KIRREL3: variants seen among roughly 807,000 people sequenced by gnomAD.
KIRREL3 encodes kin of IRRE-like protein 3.
KIRREL3 carries 36 observed loss-of-function variants against 89.7 expected under a neutral mutation model. That is an observed-to-expected ratio of 0.40 (90% CI 0.31 to 0.53). The LOEUF (loss-of-function observed/expected upper bound fraction) is 0.53, where lower values mean the gene tolerates loss of function less well. Ranked by LOEUF, KIRREL3 falls within the 20% of genes least tolerant of loss-of-function variation. KIRREL3 has a pLI of 0.49. For missense variants in KIRREL3, 864 were observed against 1,056.6 expected, an observed-to-expected ratio of 0.82 and a Z score of 2.53; for synonymous variants, 445 against 441.4, an observed-to-expected ratio of 1.01 and a Z score of -0.10.
Position 126,490,600 on chromosome 11 carries a change from C to A in KIRREL3, c.434-17134G>T, listed in dbSNP as rs1031665376. 6.6e-6 allele frequency among the ~76,000 whole-genome samples: 1 copy of A among 152,064 alleles called. No homozygotes were observed. The highest frequency in any genetic ancestry group is 2.4e-5 in the African/African-American group (1 of 41,380). ...GTTCCAGGCTGCATGGCCTTGGATACGTTAATTAGTTATTTGAGCCTGTGT... is the reference window on the plus strand; with the variant it reads ...GTTCCAGGCTGCATGGCCTTGGATAAGTTAATTAGTTATTTGAGCCTGTGT... On this transcript the variant is annotated intron_variant, in intron 4 of 16. Coordinates refer to ENST00000525144, the MANE Select transcript of KIRREL3 (RefSeq NM_032531.4). The surrounding 1 kb of genome is among the most constrained non-coding windows in gnomAD (Gnocchi z 4.2).
chr11:126,865,462 C>T (rs368919770), intron 1 of KIRREL3, among the ~76,000 whole-genome samples: 16 of 152,312 alleles, frequency 1.1e-4, no homozygotes, highest in Middle Eastern at 3.4e-3. Context: ...TCAGCAGACT[C>T]GGGTTATCGA....
chr11:126,806,944 G>A (rs953498362), intron 1 of KIRREL3, among the ~76,000 whole-genome samples: 3 of 151,970 alleles, frequency 2.0e-5, no homozygotes. Context: ...TTGGCTTTCT[G>A]TTCCTGTGTT....
At chr11:126,749,515 G>A (rs945058247) in intron 1 of KIRREL3, among the ~76,000 whole-genome samples, 2 of 152,022 alleles carry the variant, frequency 1.3e-5, no homozygotes, top group Admixed American at 6.6e-5. Flanking sequence ...GGGGAGAGGA[G>A]GTTAACAGAT....
chr11:126,756,186 A>G (rs1949494124), intron 1 of KIRREL3, among the ~76,000 whole-genome samples: 1 of 152,236 alleles, frequency 6.6e-6, no homozygotes, highest in Admixed American at 6.5e-5. Flanking sequence ...AAATGTTCGA[A>G]TTAACAATGA....
intron 1 of KIRREL3, among the ~76,000 whole-genome samples, chr11:126,982,715 G>A (rs1362333337): frequency 1.3e-5 from 2 of 152,172 alleles, no homozygotes; most frequent in African/African-American, 4.8e-5. Flanking sequence ...AAGCAGACAA[G>A]GAGGGAAAAA....
rs564190249 is a variant in KIRREL3 at position 126,757,601 on chromosome 11, G to T, written c.56-194689C>A. Among the ~76,000 whole-genome samples, 9 of 152,254 alleles carry T rather than the reference G, an allele frequency of 5.9e-5. No individual in the cohort carries two copies. The South Asian group carries it at 1.9e-3, about 32-fold the overall frequency. On this transcript the variant is annotated intron_variant, in intron 1 of 16. Transcript: ENST00000525144. The stretch of plus-strand genomic sequence containing the variant: ...CCAGCAGTTTTAGGGTCCCCTCAAA[G>T]TATAGGTCTTTTGAATCCTTGATCT...
rs531986377 is a variant in KIRREL3 at position 126,969,519 on chromosome 11, G to A, written c.55+30936C>T. On this transcript the variant is annotated intron_variant, in intron 1 of 16. Coordinates refer to ENST00000525144, the MANE Select transcript of KIRREL3 (RefSeq NM_032531.4). The surrounding 1 kb of genome is among the most constrained non-coding windows in gnomAD (Gnocchi z 4.9). Reference sequence around the variant, plus strand: ...GGGAGTAAGAACGTCTCCTGAGGGCGGAGGCTGTGGGTAGCAATGGAGCAT... The same window carrying A: ...GGGAGTAAGAACGTCTCCTGAGGGCAGAGGCTGTGGGTAGCAATGGAGCAT... Among the ~76,000 whole-genome samples the A allele has an allele frequency of 2.6e-4, 40 of 152,270 alleles. No homozygotes were observed. The highest frequency in any genetic ancestry group is 3.4e-3 in the Middle Eastern group (1 of 294).
At chr11:126,852,049 CT>C (rs10579989) in intron 1 of KIRREL3, among the ~76,000 whole-genome samples, 60 of 103,592 alleles carry the variant, frequency 5.8e-4, no homozygotes, top group African/African-American at 1.1e-3. Flanking sequence ...GGGCTATAAC[CT>C]TTTTTTTTTT....
At chr11:126,529,769 C>G (rs1244455371) in intron 2 of KIRREL3, among the ~76,000 whole-genome samples, 2 of 151,794 alleles carry the variant, frequency 1.3e-5, no homozygotes, top group Non-Finnish European at 2.9e-5. Flanking sequence ...AGACAGTACT[C>G]TAATTGACAA....
chr11:126,644,726 A>G (rs370129049), intron 1 of KIRREL3, among the ~76,000 whole-genome samples: 16 of 152,380 alleles, frequency 1.1e-4, no homozygotes, highest in African/African-American at 3.6e-4. Context: ...TGTGGAAAAC[A>G]ATATGCAGGA....
chr11:126,549,123 C>T (rs573845873), intron 2 of KIRREL3, among the ~76,000 whole-genome samples: 2 of 152,256 alleles, frequency 1.3e-5, no homozygotes, highest in African/African-American at 4.8e-5. Flanking sequence ...GGGACTATTC[C>T]ATTGCTCTAT....
chr11:126,594,736 A>G lies in KIRREL3; in HGVS notation c.56-31824T>C, dbSNP rs1942309767. On this transcript the variant is annotated intron_variant, in intron 1 of 16. Transcript: ENST00000525144. This position sits in a 1 kb window ranked among gnomAD's most constrained non-coding sequence, Gnocchi z 5.0. The stretch of plus-strand genomic sequence containing the variant: ...CTCCTCTGTCCAGCCGCAGGTCCTC[A>G]TAGAAAGGCAGAGACACTGAATAGA... 6.6e-6 allele frequency among the ~76,000 whole-genome samples: 1 copy of G among 152,180 alleles called. No individual in the cohort carries two copies. The highest frequency in any genetic ancestry group is 2.4e-5 in the African/African-American group (1 of 41,452).
rs543982058 is a variant in KIRREL3, at chr11:126,764,018, T to C, written c.56-201106A>G. Among the ~76,000 whole-genome samples, 3 of 152,262 alleles carry C rather than the reference T, an allele frequency of 2.0e-5. No homozygotes were observed. Among genetic ancestry groups the C allele is most frequent in the South Asian group, 4.2e-4 (2 of 4,814 alleles). ...TAGTTCTCCCATCATTCCTTCTTTG[T>C]AGAGGGCAAGGAAAGGTGGGTTATA... On this transcript the variant is annotated intron_variant, in intron 1 of 16. Coordinates refer to ENST00000525144, the MANE Select transcript of KIRREL3 (RefSeq NM_032531.4). This position sits in a 1 kb window ranked among gnomAD's most constrained non-coding sequence, Gnocchi z 4.2.
intron 1 of KIRREL3, among the ~76,000 whole-genome samples, chr11:126,584,289 C>T (rs1437119532): frequency 6.6e-6 from 1 of 152,206 alleles, no homozygotes; most frequent in Non-Finnish European, 1.5e-5. Context: ...GCGTTCCCAT[C>T]TCTTTGCTGC....
chr11:126,612,095 C>A lies in KIRREL3; in HGVS notation c.56-49183G>T, dbSNP rs1038735305. Among the ~76,000 whole-genome samples the A allele has an allele frequency of 6.6e-5, 10 of 152,206 alleles. No individual in the cohort carries two copies. The highest frequency in any genetic ancestry group is 2.2e-4 in the African/African-American group (9 of 41,452). ...ACGCAGTTGGGTGTGTATTTGGTAACCTGTCTTCCTCCTGCTGAAATATCA... is the reference window on the plus strand; with the variant it reads ...ACGCAGTTGGGTGTGTATTTGGTAAACTGTCTTCCTCCTGCTGAAATATCA... On this transcript the variant is annotated intron_variant, in intron 1 of 16. Coordinates refer to ENST00000525144, the MANE Select transcript of KIRREL3 (RefSeq NM_032531.4). This position sits in a 1 kb window ranked among gnomAD's most constrained non-coding sequence, Gnocchi z 4.5.
rs1958409891 is a variant in KIRREL3, at chr11:126,516,372, C to T, written c.433+4943G>A. Among the ~76,000 whole-genome samples, 1 of 152,136 alleles carries T rather than the reference C, an allele frequency of 6.6e-6. No individual in the cohort carries two copies. Among genetic ancestry groups the T allele is most frequent in the Admixed American group, 6.5e-5 (1 of 15,268 alleles). ...ATCTGATGCCAACATCCCCTCCTCC[C>T]ACTTCTGATCCCCCCATCCTGCTCT... On this transcript the variant is annotated intron_variant, in intron 4 of 16. Transcript: ENST00000525144. The surrounding 1 kb of genome is among the most constrained non-coding windows in gnomAD (Gnocchi z 4.9).
Position 126,773,274 on chromosome 11 carries a change from G to A in KIRREL3, c.56-210362C>T, listed in dbSNP as rs1245740734. Among the ~76,000 whole-genome samples, 1 of 152,196 alleles carries A rather than the reference G, an allele frequency of 6.6e-6. No individual in the cohort carries two copies. Among genetic ancestry groups the A allele is most frequent in the Non-Finnish European group, 1.5e-5 (1 of 68,036 alleles). ...TAACACTCTTGAATCAGGGGACTGA[G>A]TGAAGTCAATACAGTGTGGGTCGGC... On this transcript the variant is annotated intron_variant, in intron 1 of 16. Coordinates refer to ENST00000525144, the MANE Select transcript of KIRREL3 (RefSeq NM_032531.4). This position sits in a 1 kb window ranked among gnomAD's most constrained non-coding sequence, Gnocchi z 4.2.
At position 126,523,770 on chromosome 11, in the gene KIRREL3, C is replaced by T. The variant is rs764452720; in HGVS notation, c.284-2306G>A. Among the ~76,000 whole-genome samples the T allele has an allele frequency of 3.3e-5, 5 of 152,190 alleles. No individual in the cohort carries two copies. The highest frequency in any genetic ancestry group is 7.3e-5 in the Non-Finnish European group (5 of 68,036). ...CTACCCCCAGCCCCTCCAGCCCAGCCTCTGGATCCCACTATCCTGTGATTA... is the reference window on the plus strand; with the variant it reads ...CTACCCCCAGCCCCTCCAGCCCAGCTTCTGGATCCCACTATCCTGTGATTA... On this transcript the variant is annotated intron_variant, in intron 3 of 16. Coordinates refer to ENST00000525144, the MANE Select transcript of KIRREL3 (RefSeq NM_032531.4). This position sits in a 1 kb window ranked among gnomAD's most constrained non-coding sequence, Gnocchi z 4.9.
rs767400986 is a variant in KIRREL3, at chr11:126,615,230, C to T, written c.56-52318G>A. ...TATGACAGTCTTCTCTACAATGAGA[C>T]GACATCTTTCTCATCTCTGTATTCT... On this transcript the variant is annotated intron_variant, in intron 1 of 16. Transcript: ENST00000525144. The surrounding 1 kb of genome is among the most constrained non-coding windows in gnomAD (Gnocchi z 5.4). Among the ~76,000 whole-genome samples, 6 of 152,248 alleles carry T rather than the reference C, an allele frequency of 3.9e-5. No homozygotes were observed. Among genetic ancestry groups the T allele is most frequent in the South Asian group, 2.1e-4 (1 of 4,816 alleles).
Sources: gnomAD v4.1 joint callset for allele counts (sites outside exome capture counted in the v4.1 genomes callset) on GRCh38, gnomAD v4.1.1 for gene constraint, Gnocchi (gnomAD v3.1) non-coding constraint, MANE v1.5 for transcripts, NCBI Gene and HGNC (gene_info 2026-07-23, HGNC 2026-07-21) for gene names.